TMEM163: variants seen among roughly 807,000 people sequenced by gnomAD.
TMEM163 encodes transmembrane protein 163.
A neutral mutation model predicts 29.3 loss-of-function variants in TMEM163; 17 were observed. The observed-to-expected ratio is 0.58, with a 90% CI of 0.40 to 0.87. The LOEUF is 0.87. TMEM163 is among the 40% of genes least tolerant of loss of function. The pLI is 0.00. For synonymous variants in TMEM163, 157 were observed against 160.6 expected (o/e 0.98, Z 0.17); for missense variants, 303 against 381.5 (o/e 0.79, Z 1.71).
intron 6 of TMEM163, among the ~76,000 whole-genome samples, chr2:134,463,711 A>T (rs1686601064): frequency 6.6e-6 from 1 of 152,168 alleles, no homozygotes; most frequent in Admixed American, 6.5e-5. Flanking sequence ...CGTTTTGGGG[A>T]TCAGGGCAGG....
At chr2:134,665,148 A>C (rs1023651989) in intron 2 of TMEM163, among the ~76,000 whole-genome samples, 1 of 152,146 alleles carries the variant, frequency 6.6e-6, no homozygotes, top group Non-Finnish European at 1.5e-5. Flanking sequence ...ACACTTTGCA[A>C]ACTACTGCAA....
intron 5 of TMEM163, among the ~76,000 whole-genome samples, chr2:134,474,379 A>G (rs1686869741): frequency 6.6e-6 from 1 of 152,200 alleles, no homozygotes; most frequent in Non-Finnish European, 1.5e-5. Flanking sequence ...CTAGGAATGG[A>G]AAGGAATTTC....
At chr2:134,666,563 C>T (rs1268701956) in intron 2 of TMEM163, among the ~76,000 whole-genome samples, 1 of 152,206 alleles carries the variant, frequency 6.6e-6, no homozygotes, top group Admixed American at 6.5e-5. Context: ...CACCTTCCTG[C>T]CTGGGGGCAG....
intron 4 of TMEM163, among the ~76,000 whole-genome samples, chr2:134,506,902 C>T (rs1288164228): frequency 6.6e-6 from 1 of 152,180 alleles, no homozygotes; most frequent in Non-Finnish European, 1.5e-5. Context: ...GTAACAAGGG[C>T]ATTGAGGAAC....
chr2:134,715,015 C>A (rs929112660), intron 1 of TMEM163, among the ~76,000 whole-genome samples: 2 of 152,166 alleles, frequency 1.3e-5, no homozygotes, highest in African/African-American at 2.4e-5. Context: ...TTCCTTCCAT[C>A]ATGGCCAATT....
At chr2:134,673,314 C>T (rs540304601) in intron 2 of TMEM163, among the ~76,000 whole-genome samples, 23 of 152,246 alleles carry the variant, frequency 1.5e-4, no homozygotes, top group Middle Eastern at 6.8e-3. Flanking sequence ...ACCTTATACC[C>T]GAGGCTCAGC....
At chr2:134,672,678 TAAAGCTG>T (rs1229932993) in intron 2 of TMEM163, among the ~76,000 whole-genome samples, 1 of 152,136 alleles carries the variant, frequency 6.6e-6, no homozygotes, top group African/African-American at 2.4e-5. Context: ...TGCCTGGCCT[TAAAGCTG>T]AATTTATCAG....
intron 4 of TMEM163, among the ~76,000 whole-genome samples, chr2:134,535,525 T>C (rs1183194552): frequency 6.6e-6 from 1 of 152,138 alleles, no homozygotes; most frequent in African/African-American, 2.4e-5. Flanking sequence ...TTTAAGAATC[T>C]AAGGGGAGAG....
At chr2:134,485,941 A>G (rs1341825513) in intron 5 of TMEM163, among the ~76,000 whole-genome samples, 1 of 152,176 alleles carries the variant, frequency 6.6e-6, no homozygotes, top group African/African-American at 2.4e-5. Context: ...ACTGGGTAGC[A>G]CACCTGTGGC....
chr2:134,626,094 C>CT (rs146008537), intron 2 of TMEM163, among the ~76,000 whole-genome samples: 8,245 of 66,276 alleles, frequency 0.12, 1,665 homozygotes, highest in Middle Eastern at 0.2. Flanking sequence ...ACTTTTCCAG[C>CT]TTTTTTTTTT....
chr2:134,564,241 A>G (rs1681244300), intron 2 of TMEM163, among the ~76,000 whole-genome samples: 1 of 152,246 alleles, frequency 6.6e-6, no homozygotes, highest in Admixed American at 6.5e-5. Context: ...AGATATGGTT[A>G]CTTGATTTAT....
At chr2:134,516,696 CATATATTCATATATACAT>C (rs200119554) in intron 4 of TMEM163, among the ~76,000 whole-genome samples, 20,769 of 138,992 alleles carry the variant, frequency 0.15, 1,540 homozygotes, top group Middle Eastern at 0.31. Flanking sequence ...CATATATATG[CATATATTCATATATACAT>C]ATATATTCAT....
At chr2:134,527,489 C>T (rs989486758) in intron 4 of TMEM163, among the ~76,000 whole-genome samples, 2 of 152,144 alleles carry the variant, frequency 1.3e-5, no homozygotes, top group Non-Finnish European at 2.9e-5. Context: ...TCCCCAAATC[C>T]CGCTGCTATC....
At position 134,550,547 on chromosome 2, in the gene TMEM163, G is replaced by A. The variant is rs752920024; in HGVS notation, c.458+23C>T. Reference sequence around the variant, plus strand: ...TCATCTGCACGGGTTCTTCAGCCTGGAGAAAGACAAGAATCTACTTACATG... The same window carrying A: ...TCATCTGCACGGGTTCTTCAGCCTGAAGAAAGACAAGAATCTACTTACATG... On this transcript the variant is annotated intron_variant, in intron 4 of 7. Coordinates refer to ENST00000281924, the MANE Select transcript of TMEM163 (RefSeq NM_030923.5). 2.5e-6 allele frequency: 4 copies of A among 1,610,830 alleles called. No homozygotes were observed. The South Asian group carries it at 4.4e-5, about 18-fold the overall frequency.
intron 1 of TMEM163, among the ~76,000 whole-genome samples, chr2:134,717,635 A>G (rs1685063705): frequency 6.6e-6 from 1 of 152,198 alleles, no homozygotes; most frequent in African/African-American, 2.4e-5. Context: ...ATAGCCAACA[A>G]AATAAGGCTT....
intron 4 of TMEM163, among the ~76,000 whole-genome samples, chr2:134,528,032 CTAAT>C (rs1401691372): frequency 2.0e-5 from 3 of 152,118 alleles, no homozygotes; most frequent in Non-Finnish European, 2.9e-5. Flanking sequence ...GAAAATAAAA[CTAAT>C]TAAGAGGACA....
chr2:134,652,145 AT>A (rs1683494365), intron 2 of TMEM163, among the ~76,000 whole-genome samples: 1 of 131,904 alleles, frequency 7.6e-6, no homozygotes, highest in African/African-American at 3.4e-5. Context: ...CAGTATGGCC[AT>A]TTTCACGATA....
rs59806390 is a variant in TMEM163 at position 134,473,535 on chromosome 2, C to CA, written c.556-7311dup. On this transcript the variant is annotated intron_variant, in intron 5 of 7. Coordinates refer to ENST00000281924, the MANE Select transcript of TMEM163 (RefSeq NM_030923.5). ...GTGCAACAAGAGTGAAACTCTGTCTCAAAAAAAAAAAAAAGAAAAAGAAAC... is the reference window on the plus strand; with the variant it reads ...GTGCAACAAGAGTGAAACTCTGTCTCAAAAAAAAAAAAAAAGAAAAAGAAAC... 9.8e-3 allele frequency among the ~76,000 whole-genome samples: 1,021 copies of CA among 103,776 alleles called. 13 individuals carry two copies. Among genetic ancestry groups the CA allele is most frequent in the African/African-American group, 0.024 (742 of 31,318 alleles). The allele number at this position is 103,776 out of a possible 152,430, so 68.1% of individuals were successfully genotyped here.
At chr2:134,463,424 G>A (rs1282106831) in intron 6 of TMEM163, among the ~76,000 whole-genome samples, 1 of 152,200 alleles carries the variant, frequency 6.6e-6, no homozygotes, top group Admixed American at 6.5e-5. Flanking sequence ...ATCCCAGTGG[G>A]TGAACTCCCT....
Sources: allele counts gnomAD v4.1 joint callset (sites outside exome capture counted in the v4.1 genomes callset), GRCh38; gene constraint gnomAD v4.1.1; transcripts MANE v1.5; gene names NCBI Gene and HGNC (gene_info 2026-07-23, HGNC 2026-07-21).